The following DPP10 variants were observed in gnomAD, a reference collection of about 807,000 sequenced individuals.
DPP10 encodes dipeptidyl peptidase like 10, also known as inactive dipeptidyl peptidase 10.
A neutral mutation model predicts 120.9 loss-of-function variants in DPP10; 33 were observed. The observed-to-expected ratio is 0.27, with a 90% CI of 0.21 to 0.37. The LOEUF (loss-of-function observed/expected upper bound fraction) is 0.37. Among genes scored for constraint, DPP10 ranks in the 10% least tolerant of loss-of-function variants. The pLI is 1.00. For missense variants in DPP10, 816 were observed against 942.8 expected (o/e 0.87, Z 1.76); for synonymous variants, 337 against 326.1 (o/e 1.03, Z -0.36).
intron 1 of DPP10, among the ~76,000 whole-genome samples, chr2:114,829,956 G>C (rs893396904): frequency 1.3e-5 from 2 of 151,980 alleles, no homozygotes; most frequent in Non-Finnish European, 2.9e-5. Flanking sequence ...GCTGCGGCCT[G>C]TCTTGAACCC....
At chr2:115,798,385 G>C (rs1232066423) in intron 19 of DPP10, among the ~76,000 whole-genome samples, 1 of 152,010 alleles carries the variant, frequency 6.6e-6, no homozygotes, top group East Asian at 1.9e-4. Context: ...CCAAGATACA[G>C]TGTATTCTTT....
chr2:114,443,787 T>C (rs1677793254), intron 1 of DPP10, among the ~76,000 whole-genome samples: 1 of 152,048 alleles, frequency 6.6e-6, no homozygotes, highest in African/African-American at 2.4e-5. Context: ...TACAAGTGCA[T>C]ACCTTTTGCT....
chr2:115,154,027 G>A (rs931081685), intron 1 of DPP10, among the ~76,000 whole-genome samples: 1 of 152,118 alleles, frequency 6.6e-6, no homozygotes, highest in African/African-American at 2.4e-5. Flanking sequence ...GTGTGCAGAG[G>A]ATGTAAAGCA....
intron 3 of DPP10, among the ~76,000 whole-genome samples, chr2:115,455,580 CA>C (rs917020889): frequency 1.3e-5 from 2 of 152,068 alleles, no homozygotes; most frequent in Admixed American, 6.6e-5. Context: ...CGCAAGGCTA[CA>C]GTAACCAAAA....
chr2:114,477,029 G>T lies in DPP10; in HGVS notation c.60+34191G>T, dbSNP rs1049678578. Among the ~76,000 whole-genome samples the T allele has an allele frequency of 5.9e-5, 9 of 151,890 alleles. No individual in the cohort carries two copies. In the East Asian group the frequency reaches 1.7e-3, roughly 29 times the overall value. On this transcript the variant is annotated intron_variant, in intron 1 of 25. Coordinates refer to ENST00000410059, the MANE Select transcript of DPP10 (RefSeq NM_020868.6). ...GCTGGAGTGCAGTGGCATGATTTCG[G>T]CTCACTGCACCCTCTGCCTCCCCAG...
rs554973309 is a variant in DPP10 at position 114,806,231 on chromosome 2, G to A, written c.60+363393G>A. ...CATATTTTTATTTTTGAATGATGTC[G>A]ACATTACAAGCTATTTTACAGGCTG... On this transcript the variant is annotated intron_variant, in intron 1 of 25. Transcript: ENST00000410059. 1.4e-4 allele frequency among the ~76,000 whole-genome samples: 21 copies of A among 152,184 alleles called. No homozygotes were observed. The East Asian group carries it at 3.7e-3, about 27-fold the overall frequency.
intron 5 of DPP10, among the ~76,000 whole-genome samples, chr2:115,635,094 T>G (rs1276361512): frequency 6.6e-6 from 1 of 152,092 alleles, no homozygotes; most frequent in Non-Finnish European, 1.5e-5. Flanking sequence ...AAACTGGAGC[T>G]GCAGTGATGG....
At chr2:115,629,716 T>C (rs2085677721) in intron 5 of DPP10, among the ~76,000 whole-genome samples, 1 of 152,150 alleles carries the variant, frequency 6.6e-6, no homozygotes. Context: ...TGGTTGTAGA[T>C]GTGTGGTGTT....
At chr2:115,678,148 T>C (rs973215955) in intron 5 of DPP10, among the ~76,000 whole-genome samples, 1 of 152,222 alleles carries the variant, frequency 6.6e-6, no homozygotes, top group Non-Finnish European at 1.5e-5. Flanking sequence ...TGAAGAGAAA[T>C]TCAAGCCAGC....
chr2:114,794,667 A>G (rs1357686308), intron 1 of DPP10, among the ~76,000 whole-genome samples: 1 of 152,216 alleles, frequency 6.6e-6, no homozygotes, highest in Non-Finnish European at 1.5e-5. Flanking sequence ...TTGAGCAAAA[A>G]TTATGATTTC....
At chr2:114,963,360 A>G (rs1048471198) in intron 1 of DPP10, among the ~76,000 whole-genome samples, 1 of 152,204 alleles carries the variant, frequency 6.6e-6, no homozygotes, top group African/African-American at 2.4e-5. Flanking sequence ...TTTTTTATTC[A>G]TAGCAGGGAA....
intron 1 of DPP10, among the ~76,000 whole-genome samples, chr2:114,857,319 G>T (rs1487286268): frequency 6.6e-6 from 1 of 152,206 alleles, no homozygotes; most frequent in African/African-American, 2.4e-5. Context: ...TCCACCTGAA[G>T]GAGAATATGT....
chr2:114,568,717 A>G (rs1185968794), intron 1 of DPP10, among the ~76,000 whole-genome samples: 1 of 152,226 alleles, frequency 6.6e-6, no homozygotes, highest in African/African-American at 2.4e-5. Context: ...TTTAGTTTTG[A>G]GTCAAACATC....
intron 1 of DPP10, among the ~76,000 whole-genome samples, chr2:114,697,298 C>G (rs1304603790): frequency 6.6e-6 from 1 of 151,952 alleles, no homozygotes. Flanking sequence ...TGGTGTTGAG[C>G]CAATCACATT....
At chr2:115,109,040 A>ACT (rs58284644) in intron 1 of DPP10, among the ~76,000 whole-genome samples, 1 of 151,736 alleles carries the variant, frequency 6.6e-6, no homozygotes, top group African/African-American at 2.4e-5. Flanking sequence ...ATGTTAACAT[A>ACT]AACTGATCAT....
rs148571594 is a variant in DPP10, at chr2:115,170,226, G to A, written c.61-139013G>A. 5.3e-3 allele frequency among the ~76,000 whole-genome samples: 804 copies of A among 152,290 alleles called. 6 individuals carry two copies. Among genetic ancestry groups the A allele is most frequent in the African/African-American group, 0.018 (754 of 41,564 alleles). On this transcript the variant is annotated intron_variant, in intron 1 of 25. Coordinates refer to ENST00000410059, the MANE Select transcript of DPP10 (RefSeq NM_020868.6). ...TCTCACCTCCAGGAATGGTTTTAAT[G>A]TAAGTTAATCAATGCAAAACATGGC...
At chr2:115,104,509 A>G (rs563773632) in intron 1 of DPP10, among the ~76,000 whole-genome samples, 173 of 152,264 alleles carry the variant, frequency 1.1e-3, no homozygotes, top group African/African-American at 3.7e-3. Flanking sequence ...ATCTGTCTAC[A>G]GCCTCCTTAG....
intron 1 of DPP10, among the ~76,000 whole-genome samples, chr2:114,996,312 A>G (rs1359238272): frequency 6.6e-6 from 1 of 152,162 alleles, no homozygotes; most frequent in Non-Finnish European, 1.5e-5. Context: ...TACTTTCTCT[A>G]CTATAGACTG....
At chr2:115,692,783 A>G (rs1056539591) in intron 7 of DPP10, among the ~76,000 whole-genome samples, 19 of 152,092 alleles carry the variant, frequency 1.2e-4, no homozygotes, top group African/African-American at 3.9e-4. Flanking sequence ...GAAAATGACT[A>G]TTTTTCATAA....
Sources: gnomAD v4.1 joint callset for allele counts (sites outside exome capture counted in the v4.1 genomes callset) on GRCh38, gnomAD v4.1.1 for gene constraint, MANE v1.5 for transcripts, NCBI Gene and HGNC (gene_info 2026-07-23, HGNC 2026-07-21) for gene names.